C12orf42: variants seen among roughly 807,000 people sequenced by gnomAD.
C12orf42 encodes the protein uncharacterized protein C12orf42.
Under a neutral mutation model 21.6 loss-of-function variants are expected in C12orf42, and 25 were observed. The observed-to-expected ratio is 1.16, with a 90% confidence interval of 0.84 to 1.62. C12orf42 has a LOEUF of 1.62. Among genes scored for constraint, C12orf42 ranks in the 40% most tolerant of loss-of-function variants. The probability of loss-of-function intolerance (pLI) is 0.00; values close to 1 mark genes in which losing one functional copy is unlikely to be tolerated. For synonymous variants in C12orf42, 174 were observed against 175.0 expected (o/e 0.99, Z 0.05); for missense variants, 483 against 459.3 (o/e 1.05, Z -0.47).
At chr12:103,218,283 A>T in the C12orf42 span, among the ~76,000 whole-genome samples, 1 of 151,968 alleles carries the variant, frequency 6.6e-6, no homozygotes, top group Non-Finnish European at 1.5e-5. Context: ...CCGCTTCAAA[A>T]AAAAAAAAAA....
intron 3 of C12orf42, among the ~76,000 whole-genome samples, chr12:103,388,194 C>T (rs183733665): frequency 3.3e-5 from 5 of 152,278 alleles, no homozygotes; most frequent in African/African-American, 1.2e-4. Context: ...CTCTGAGTGC[C>T]ATCTGCTAGG....
At chr12:103,482,691 T>C (rs1337543623) in intron 1 of C12orf42, among the ~76,000 whole-genome samples, 1 of 152,164 alleles carries the variant, frequency 6.6e-6, no homozygotes, top group African/African-American at 2.4e-5. Context: ...CCTTAAATAT[T>C]ACCTCTCAAC....
chr12:103,133,383 C>T, the C12orf42 span, among the ~76,000 whole-genome samples: 3 of 152,136 alleles, frequency 2.0e-5, no homozygotes, highest in African/African-American at 7.2e-5. Flanking sequence ...AGCAAGCTGC[C>T]AGGAGCCCAA....
intron 4 of C12orf42, among the ~76,000 whole-genome samples, chr12:103,327,768 G>A (rs1424185788): frequency 6.6e-6 from 1 of 152,292 alleles, no homozygotes; most frequent in South Asian, 2.1e-4. Context: ...TTGAATGAAT[G>A]TTGAAGAAAG....
intron 1 of C12orf42, among the ~76,000 whole-genome samples, chr12:103,494,647 C>CT (rs1025427178): frequency 5.3e-5 from 8 of 152,176 alleles, no homozygotes; most frequent in East Asian, 3.9e-4. Flanking sequence ...TGTCTTCAGA[C>CT]TTTTTTTTCC....
chr12:103,299,291 A>AT (rs1464208138), downstream of C12orf42, among the ~76,000 whole-genome samples: 1 of 152,032 alleles, frequency 6.6e-6, no homozygotes, highest in East Asian at 1.9e-4. Flanking sequence ...GACTAAATGA[A>AT]TTAATATACG....
the C12orf42 span, among the ~76,000 whole-genome samples, chr12:103,203,507 AT>A: frequency 4.6e-5 from 7 of 152,222 alleles, no homozygotes; most frequent in Admixed American, 2.0e-4. Flanking sequence ...CTTTAAAAAA[AT>A]GTCCACTCTG....
At chr12:103,160,115 T>C in the C12orf42 span, among the ~76,000 whole-genome samples, 2 of 152,152 alleles carry the variant, frequency 1.3e-5, no homozygotes, top group Non-Finnish European at 2.9e-5. Flanking sequence ...TGCGCTTTCC[T>C]TGCTAAACCT....
At chr12:103,202,355 G>A in the C12orf42 span, among the ~76,000 whole-genome samples, 2 of 152,024 alleles carry the variant, frequency 1.3e-5, no homozygotes, top group Non-Finnish European at 2.9e-5. Context: ...GAAAAGAATG[G>A]GTCTACCCAT....
the C12orf42 span, among the ~76,000 whole-genome samples, chr12:103,534,169 A>T: frequency 6.6e-6 from 1 of 152,236 alleles, no homozygotes; most frequent in Non-Finnish European, 1.5e-5. Flanking sequence ...GTTTTATCAA[A>T]ATTATTTGAT....
the C12orf42 span, among the ~76,000 whole-genome samples, chr12:103,563,691 A>G: frequency 1.1e-3 from 168 of 152,306 alleles, 1 homozygote; most frequent in Non-Finnish European, 1.6e-3. Flanking sequence ...CATGATCCAC[A>G]TGAAAAACTG....
the C12orf42 span, among the ~76,000 whole-genome samples, chr12:103,511,683 G>T: frequency 1.6e-4 from 25 of 152,178 alleles, no homozygotes; most frequent in Non-Finnish European, 2.6e-4. Flanking sequence ...TAAAGTAGAA[G>T]CAGGCCCAGG....
chr12:103,177,748 G>A, the C12orf42 span, among the ~76,000 whole-genome samples: 1 of 152,098 alleles, frequency 6.6e-6, no homozygotes, highest in Non-Finnish European at 1.5e-5. Context: ...CTCCTTCTCC[G>A]ATGCTGCTTT....
At chr12:103,235,472 A>G (rs955599387), downstream of C12orf42, among the ~76,000 whole-genome samples, 1 of 152,164 alleles carries the variant, frequency 6.6e-6, no homozygotes, top group Non-Finnish European at 1.5e-5. Flanking sequence ...TGAGGTAAAT[A>G]CCAATCGGTC....
the C12orf42 span, among the ~76,000 whole-genome samples, chr12:103,189,186 C>A: frequency 6.6e-6 from 1 of 152,196 alleles, no homozygotes; most frequent in Non-Finnish European, 1.5e-5. Context: ...TTCAGGTAGA[C>A]CACTGATTTG....
At chr12:103,105,674 A>G in the C12orf42 span, among the ~76,000 whole-genome samples, 2 of 152,196 alleles carry the variant, frequency 1.3e-5, no homozygotes, top group African/African-American at 4.8e-5. Context: ...GAAAATGTAA[A>G]ATAGACTGAA....
At chr12:103,158,993 T>C in the C12orf42 span, among the ~76,000 whole-genome samples, 41,497 of 140,372 alleles carry the variant, frequency 0.3, 6,313 homozygotes, top group East Asian at 0.52. Flanking sequence ...CAGTTTTATC[T>C]GTTAAGAGAA....
chr12:103,392,433 A>G (rs1287978014), intron 3 of C12orf42, among the ~76,000 whole-genome samples: 1 of 152,224 alleles, frequency 6.6e-6, no homozygotes. Context: ...GTACTATCAT[A>G]TTAATGTTAA....
At chr12:103,551,559 G>A in the C12orf42 span, among the ~76,000 whole-genome samples, 2 of 152,122 alleles carry the variant, frequency 1.3e-5, no homozygotes, top group African/African-American at 2.4e-5. Flanking sequence ...ACTCATGCCT[G>A]TAATCCCAGC....
Sources: allele counts gnomAD v4.1 joint callset (sites outside exome capture counted in the v4.1 genomes callset), GRCh38; gene constraint gnomAD v4.1.1; transcripts MANE v1.5; gene names NCBI Gene and HGNC (gene_info 2026-07-23, HGNC 2026-07-21).